Variants in ITPR1 observed in about 807,000 individuals in gnomAD.
ITPR1 encodes inositol 1,4,5-trisphosphate receptor type 1, also known as inositol 1,4,5-trisphosphate-gated calcium channel ITPR1.
ITPR1 carries 96 observed loss-of-function variants against 318.4 expected under a neutral mutation model. That is an observed-to-expected ratio of 0.30 (90% confidence interval 0.26 to 0.36). The LOEUF is 0.36. Among genes scored for constraint, ITPR1 ranks in the 10% least tolerant of loss-of-function variants. The pLI is 1.00. For missense variants in ITPR1, 2,440 were observed against 3,460.2 expected, an observed-to-expected ratio of 0.71 and a Z score of 7.40; for synonymous variants, 1,312 against 1,289.9, an observed-to-expected ratio of 1.02 and a Z score of -0.37.
intron 32 of ITPR1, 42 bp downstream of exon 32, chr3:4,691,386 G>T (rs746974565): frequency 5.8e-6 from 8 of 1,380,306 alleles, no homozygotes; most frequent in Non-Finnish European, 7.1e-6. Flanking sequence ...CTGGTGTTCT[G>T]TAGAAATTTT....
chr3:4,783,255 G>A (rs1285094411), intron 50 of ITPR1, among the ~76,000 whole-genome samples: 2 of 152,214 alleles, frequency 1.3e-5, no homozygotes, highest in East Asian at 1.9e-4. Context: ...GGTTTTTGAA[G>A]AGCCTTTCTC....
rs2050073417 is a variant in ITPR1 at position 4,826,326 on chromosome 3, C to T, written c.8028+8084C>T. 6.6e-6 allele frequency among the ~76,000 whole-genome samples: 1 copy of T among 152,252 alleles called. No individual in the cohort carries two copies. The highest frequency in any genetic ancestry group is 1.5e-5 in the Non-Finnish European group (1 of 68,048). On this transcript the variant is annotated intron_variant, in intron 60 of 61. Coordinates refer to ENST00000649015, the MANE Select transcript of ITPR1 (RefSeq NM_001378452.1). This position sits in a 1 kb window ranked among gnomAD's most constrained non-coding sequence, Gnocchi z 4.2. ...GTGGCCTAACCTGGGAGGCCACGAGCATTGGTTAAAATGTCACCTGGGCTC... is the reference window on the plus strand; with the variant it reads ...GTGGCCTAACCTGGGAGGCCACGAGTATTGGTTAAAATGTCACCTGGGCTC...
chr3:4,559,349 TTTGA>T (rs1296480519), intron 4 of ITPR1, among the ~76,000 whole-genome samples: 4 of 152,198 alleles, frequency 2.6e-5, no homozygotes, highest in Non-Finnish European at 5.9e-5. Flanking sequence ...CATGCATTAA[TTTGA>T]TTAAAAATTT....
chr3:4,510,930 G>T (rs1479647393), intron 2 of ITPR1, among the ~76,000 whole-genome samples: 1 of 152,158 alleles, frequency 6.6e-6, no homozygotes, highest in Non-Finnish European at 1.5e-5. Flanking sequence ...AGGGCCCTGT[G>T]GCAGGGAACA....
chr3:4,797,131 C>T (rs1446350497), intron 53 of ITPR1, among the ~76,000 whole-genome samples: 1 of 151,630 alleles, frequency 6.6e-6, no homozygotes, highest in Non-Finnish European at 1.5e-5. Flanking sequence ...TAATTCAGAG[C>T]TCCGAGGAGA....
rs1378914693 is a variant in ITPR1 at position 4,654,980 on chromosome 3, C to G, written c.996+1094C>G. On this transcript the variant is annotated intron_variant, in intron 12 of 61. Transcript: ENST00000649015. ...CTTCCTTTTTTTCATCCTTGTCACC[C>G]CTATTTCTAGAGTCCATTTTGAAAG... 2.0e-5 allele frequency among the ~76,000 whole-genome samples: 3 copies of G among 152,078 alleles called. No homozygotes were observed. In the East Asian group the frequency reaches 5.8e-4, roughly 29 times the overall value.
rs561266670 is a variant in ITPR1 at position 4,758,394 on chromosome 3, C to T, written c.5545-8136C>T. On this transcript the variant is annotated intron_variant, in intron 44 of 61. Transcript: ENST00000649015. ...CCACCCTGGGACACATACATCTATGCTCCCCGCCACTGCCCTGTCTTGCAG... is the reference window on the plus strand; with the variant it reads ...CCACCCTGGGACACATACATCTATGTTCCCCGCCACTGCCCTGTCTTGCAG... 1.2e-4 allele frequency among the ~76,000 whole-genome samples: 18 copies of T among 152,328 alleles called. No homozygotes were observed. The South Asian group carries it at 2.1e-3, about 18-fold the overall frequency.
intron 4 of ITPR1, among the ~76,000 whole-genome samples, chr3:4,542,959 A>G (rs2084609294): frequency 6.6e-6 from 1 of 152,158 alleles, no homozygotes; most frequent in Non-Finnish European, 1.5e-5. Context: ...CTGTGTATTA[A>G]TTGATACTGT....
chr3:4,642,902 G>T (rs191582112), intron 7 of ITPR1, among the ~76,000 whole-genome samples: 32 of 152,320 alleles, frequency 2.1e-4, no homozygotes, highest in Admixed American at 9.8e-4. Flanking sequence ...CTGTATTTTT[G>T]ACCTTGTTAA....
At chr3:4,648,319 A>G (rs1012882379) in intron 10 of ITPR1, among the ~76,000 whole-genome samples, 3 of 152,200 alleles carry the variant, frequency 2.0e-5, no homozygotes, top group African/African-American at 7.2e-5. Flanking sequence ...CTATGTGTCT[A>G]CACAGGGACC....
rs73807181 is a variant in ITPR1, at chr3:4,845,946, C to G, written c.8191-193C>G. Among the ~76,000 whole-genome samples, 1,475 of 152,288 alleles carry G rather than the reference C, an allele frequency of 9.7e-3. 32 individuals are homozygous for G. The highest frequency in any genetic ancestry group is 0.034 in the African/African-American group (1,412 of 41,542). ...TGAATGTTACATTGCATGACTAGGT[C>G]ACAGAATTTCCCATTCTGCCTAAGA... On this transcript the variant is annotated intron_variant, in intron 61 of 61. Transcript: ENST00000649015.
chr3:4,741,052 G>A (rs891662462), intron 44 of ITPR1, among the ~76,000 whole-genome samples: 3 of 152,064 alleles, frequency 2.0e-5, no homozygotes, highest in African/African-American at 2.4e-5. Context: ...TCCGTCCTTC[G>A]AGTCCTTGCC....
intron 44 of ITPR1, among the ~76,000 whole-genome samples, chr3:4,764,920 C>A (rs2045706906): frequency 1.3e-5 from 2 of 151,116 alleles, no homozygotes; most frequent in African/African-American, 4.9e-5. Flanking sequence ...CACCTTGTGA[C>A]AAATGCAAAA....
intron 46 of ITPR1, among the ~76,000 whole-genome samples, chr3:4,770,657 G>C (rs1036277372): frequency 3.9e-5 from 6 of 152,134 alleles, no homozygotes; most frequent in Non-Finnish European, 8.8e-5. Context: ...ATCTGAGTGT[G>C]GGATCTCAGC....
At position 4,784,012 on chromosome 3, in the gene ITPR1, G is replaced by A. The variant is rs2047002685; in HGVS notation, c.6615+92G>A. ...GGGGCTGGCGTGCATTCATTCATCTGAGCAATGGAAATGTGAGTGTGTACT... is the reference window on the plus strand; with the variant it reads ...GGGGCTGGCGTGCATTCATTCATCTAAGCAATGGAAATGTGAGTGTGTACT... On this transcript the variant is annotated intron_variant, in intron 51 of 61. Coordinates refer to ENST00000649015, the MANE Select transcript of ITPR1 (RefSeq NM_001378452.1). 4.7e-6 allele frequency: 4 copies of A among 858,668 alleles called. No individual in the cohort carries two copies. In the South Asian group the frequency reaches 6.6e-5, roughly 14 times the overall value. The allele number at this position is 858,668 out of a possible 1,614,324, so 53.2% of individuals were successfully genotyped here.
chr3:4,645,735 G>T lies in ITPR1; in HGVS notation c.855+7G>T, dbSNP rs2125159889. 2.5e-6 allele frequency: 4 copies of T among 1,611,402 alleles called. No homozygotes were observed. Among genetic ancestry groups the T allele is most frequent in the Non-Finnish European group, 3.4e-6 (4 of 1,179,548 alleles). On this transcript the variant is annotated splice_region_variant and intron_variant, in intron 10 of 61. Transcript: ENST00000649015. ...AGCCCTGTGGGAGGTGGAGGTAAGG[G>T]TAGGGTGGAGAAAGGGCTCCTGGGT...
Position 4,710,049 on chromosome 3 carries a change from A to T in ITPR1, c.4843-276A>T, listed in dbSNP as rs1254190644. On this transcript the variant is annotated intron_variant, in intron 37 of 61. Coordinates refer to ENST00000649015, the MANE Select transcript of ITPR1 (RefSeq NM_001378452.1). The surrounding 1 kb of genome is among the most constrained non-coding windows in gnomAD (Gnocchi z 4.2). ...AATTGATTTTTTGCGTCATATTTTA[A>T]GCTACATGCAGTGGTACCTTGAGTA... Among the ~76,000 whole-genome samples, 1 of 152,216 alleles carries T rather than the reference A, an allele frequency of 6.6e-6. No homozygotes were observed.
At chr3:4,774,140 T>C (rs549412885) in intron 46 of ITPR1, among the ~76,000 whole-genome samples, 1 of 152,384 alleles carries the variant, frequency 6.6e-6, no homozygotes, top group Non-Finnish European at 1.5e-5. Context: ...TGTTACATAT[T>C]AATCTATATG....
intron 4 of ITPR1, among the ~76,000 whole-genome samples, chr3:4,593,218 G>A (rs910195397): frequency 6.6e-6 from 1 of 152,178 alleles, no homozygotes; most frequent in African/African-American, 2.4e-5. Flanking sequence ...AACAATACCT[G>A]TTGTTGGTAC....
Sources: gnomAD v4.1 joint callset for allele counts (sites outside exome capture counted in the v4.1 genomes callset) on GRCh38, gnomAD v4.1.1 for gene constraint, Gnocchi (gnomAD v3.1) non-coding constraint, MANE v1.5 for transcripts, NCBI Gene and HGNC (gene_info 2026-07-23, HGNC 2026-07-21) for gene names.